Variants in ADGRB3 observed in about 807,000 individuals in gnomAD.
ADGRB3 encodes the protein brain-specific angiogenesis inhibitor 3.
Under a neutral mutation model 193.4 loss-of-function variants are expected in ADGRB3, and 37 were observed. The observed-to-expected ratio is 0.19, with a 90% CI of 0.15 to 0.25. The LOEUF (loss-of-function observed/expected upper bound fraction) is 0.25. ADGRB3 is among the 10% of genes least tolerant of loss of function. The pLI, the probability that ADGRB3 is intolerant of heterozygous loss-of-function variation, is 1.00. For synonymous variants in ADGRB3, 690 were observed against 644.2 expected, an observed-to-expected ratio of 1.07 and a Z score of -1.08; for missense variants, 1,637 against 1,852.9, an observed-to-expected ratio of 0.88 and a Z score of 2.14.
At position 69,339,321 on chromosome 6, in the gene ADGRB3, T is replaced by C; in HGVS notation, c.3288-12T>C. The C allele has an allele frequency of 6.2e-7, 1 of 1,612,022 alleles. No individual in the cohort carries two copies. The highest frequency in any genetic ancestry group is 2.2e-5 in the East Asian group (1 of 44,838). ...GTATAGCTACGTAATGTTACTTTCT[T>C]GGTCTCAACAGGGCGTCTCTTTGGA... On this transcript the variant is annotated splice_polypyrimidine_tract_variant and intron_variant, in intron 25 of 31. Coordinates refer to ENST00000370598, the MANE Select transcript of ADGRB3 (RefSeq NM_001704.3).
intron 3 of ADGRB3, among the ~76,000 whole-genome samples, chr6:68,879,326 G>A (rs1257829625): frequency 7.0e-6 from 1 of 143,202 alleles, no homozygotes; most frequent in Non-Finnish European, 1.5e-5. Context: ...ACACCATTCT[G>A]CTGCGTCAGC....
intron 3 of ADGRB3, among the ~76,000 whole-genome samples, chr6:68,806,458 A>T (rs1356193603): frequency 2.0e-5 from 3 of 152,050 alleles, no homozygotes; most frequent in Non-Finnish European, 4.4e-5. Flanking sequence ...TCACTTATTT[A>T]TTGAAAAACA....
chr6:69,256,875 C>A (rs1037732432), intron 20 of ADGRB3, among the ~76,000 whole-genome samples: 1 of 152,082 alleles, frequency 6.6e-6, no homozygotes. Flanking sequence ...TGAGATATGT[C>A]CCATCAATAC....
intron 26 of ADGRB3, among the ~76,000 whole-genome samples, chr6:69,352,048 C>G (rs1032530157): frequency 1.3e-5 from 2 of 152,122 alleles, no homozygotes; most frequent in African/African-American, 4.8e-5. Context: ...GAGGTGCAAA[C>G]AGAAAGTTAA....
chr6:69,314,142 G>A (rs192514792), intron 20 of ADGRB3, among the ~76,000 whole-genome samples: 11 of 151,644 alleles, frequency 7.3e-5, no homozygotes, highest in Admixed American at 7.2e-4. Context: ...AATTCCCACA[G>A]CTCACATTTC....
chr6:68,650,975 T>C (rs2127280754), intron 3 of ADGRB3, among the ~76,000 whole-genome samples: 1 of 152,340 alleles, frequency 6.6e-6, no homozygotes, highest in South Asian at 2.1e-4. Context: ...TTCTTATGTT[T>C]ACTACTTATA....
intron 3 of ADGRB3, among the ~76,000 whole-genome samples, chr6:68,868,896 G>A (rs952990831): frequency 1.6e-5 from 2 of 122,328 alleles, no homozygotes; most frequent in African/African-American, 5.6e-5. Context: ...CTGGAAATAG[G>A]ACTTCCAGAT....
intron 19 of ADGRB3, 109 bp from the exon 20 acceptor site, chr6:69,239,015 G>T: frequency 1.9e-6 from 1 of 532,600 alleles, no homozygotes; most frequent in African/African-American, 1.9e-5. Context: ...AAATATTCCT[G>T]TGCTACAGTA....
At chr6:68,727,619 A>T (rs190024912) in intron 3 of ADGRB3, among the ~76,000 whole-genome samples, 178 of 151,664 alleles carry the variant, frequency 1.2e-3, no homozygotes, top group Non-Finnish European at 1.8e-3. Context: ...ACTAAAAAAA[A>T]GTTCATCATT....
At chr6:68,947,022 A>T (rs981729069) in intron 6 of ADGRB3, among the ~76,000 whole-genome samples, 1 of 152,090 alleles carries the variant, frequency 6.6e-6, no homozygotes, top group Non-Finnish European at 1.5e-5. Context: ...ATAAGGAGGA[A>T]GGAAAATGAA....
At chr6:68,847,435 C>T (rs1768301796) in intron 3 of ADGRB3, among the ~76,000 whole-genome samples, 1 of 152,116 alleles carries the variant, frequency 6.6e-6, no homozygotes, top group Admixed American at 6.6e-5. Flanking sequence ...AATTGTATCT[C>T]CCAGAATTCC....
At chr6:69,116,392 T>C (rs2150327733) in intron 17 of ADGRB3, among the ~76,000 whole-genome samples, 1 of 152,306 alleles carries the variant, frequency 6.6e-6, no homozygotes, top group Non-Finnish European at 1.5e-5. Flanking sequence ...CCTTTTTTAA[T>C]GCAAAAACTC....
intron 13 of ADGRB3, among the ~76,000 whole-genome samples, chr6:69,031,419 C>T (rs1464089731): frequency 5.0e-5 from 7 of 138,792 alleles, no homozygotes; most frequent in South Asian, 2.2e-4. Flanking sequence ...CCAGCCTGGG[C>T]GACAGAGCAA....
intron 17 of ADGRB3, among the ~76,000 whole-genome samples, chr6:69,085,280 G>T (rs374820943): frequency 5.9e-5 from 9 of 152,162 alleles, no homozygotes; most frequent in African/African-American, 1.7e-4. Context: ...GCAAAACTTG[G>T]AATTCATCCC....
At chr6:69,132,311 G>A (rs1386964178) in intron 17 of ADGRB3, among the ~76,000 whole-genome samples, 3 of 152,020 alleles carry the variant, frequency 2.0e-5, no homozygotes, top group Non-Finnish European at 4.4e-5. Flanking sequence ...TTTAATGATT[G>A]CCATTCTAAC....
chr6:68,835,610 A>G (rs963659527), intron 3 of ADGRB3, among the ~76,000 whole-genome samples: 2 of 151,572 alleles, frequency 1.3e-5, no homozygotes, highest in African/African-American at 4.9e-5. Context: ...CTCAAATTTC[A>G]TCTCTTGTGT....
chr6:69,178,360 A>G (rs1163456186), intron 17 of ADGRB3, among the ~76,000 whole-genome samples: 2 of 152,182 alleles, frequency 1.3e-5, no homozygotes, highest in Non-Finnish European at 2.9e-5. Context: ...TCTTGAAGAC[A>G]GTAGACAAAT....
intron 24 of ADGRB3, among the ~76,000 whole-genome samples, chr6:69,334,045 C>A (rs1768789381): frequency 2.0e-5 from 3 of 149,944 alleles, no homozygotes; most frequent in Admixed American, 2.0e-4. Context: ...ATGACAGTAA[C>A]GTCTCATATA....
intron 3 of ADGRB3, among the ~76,000 whole-genome samples, chr6:68,926,655 A>G (rs894113099): frequency 3.9e-5 from 6 of 152,288 alleles, no homozygotes; most frequent in Middle Eastern, 3.4e-3. Context: ...ATTGCTAGAT[A>G]GATTACAGTA....
Sources: allele counts gnomAD v4.1 joint callset (sites outside exome capture counted in the v4.1 genomes callset), GRCh38; gene constraint gnomAD v4.1.1; transcripts MANE v1.5; gene names NCBI Gene and HGNC (gene_info 2026-07-23, HGNC 2026-07-21).